Variants in CPXM2 observed in about 807,000 individuals in gnomAD.
CPXM2 encodes carboxypeptidase X, M14 family member 2.
Under a neutral mutation model 86.1 loss-of-function variants are expected in CPXM2, and 66 were observed. That is an observed-to-expected ratio of 0.77 (90% CI 0.63 to 0.94). The LOEUF is 0.94. Among genes scored for constraint, CPXM2 ranks in the 40% least tolerant of loss-of-function variants. The pLI, the probability that CPXM2 is intolerant of heterozygous loss-of-function variation, is 0.00. For missense variants in CPXM2, 948 were observed against 1,026.3 expected (o/e 0.92, Z 1.04); for synonymous variants, 388 against 400.2 (o/e 0.97, Z 0.36).
rs771228059 is a variant in CPXM2, at chr10:123,768,526, C to T, written c.1299G>A (p.Gly433=). 2 of 1,611,072 alleles carry T rather than the reference C, an allele frequency of 1.2e-6. No homozygotes were observed. Among genetic ancestry groups the T allele is most frequent in the South Asian group, 1.1e-5 (1 of 90,632 alleles). ...GGGTGAGATGGGCCAGGGCCATTACCCCTTCGTAGGCCTTCTCGTAGCCAT... is the reference window on the plus strand; with the variant it reads ...GGGTGAGATGGGCCAGGGCCATTACTCCTTCGTAGGCCTTCTCGTAGCCAT... The part of the protein sequence containing the change: ...NPDGYEKAYE[G]GSELGGWSLG... The change falls in exon 9 of 14, where the codon GGG becomes GGA. Residue 433 remains glycine (G), a splice_region_variant and synonymous_variant. Coordinates refer to ENST00000241305, the MANE Select transcript of CPXM2 (RefSeq NM_198148.3).
At chr10:123,825,252 G>T (rs1848021696) in intron 4 of CPXM2, among the ~76,000 whole-genome samples, 1 of 152,178 alleles carries the variant, frequency 6.6e-6, no homozygotes, top group Non-Finnish European at 1.5e-5. Flanking sequence ...CAGAGAGGAA[G>T]GGGGCAGGGT....
chr10:123,774,913 C>T lies in CPXM2; in HGVS notation c.979-3874G>A, dbSNP rs74162932. On this transcript the variant is annotated intron_variant, in intron 7 of 13. Coordinates refer to ENST00000241305, the MANE Select transcript of CPXM2 (RefSeq NM_198148.3). ...GTTTTAATAAAAGACACAGTAATAA[C>T]GTCACCAATTGTGTTAACAAGAACA... is the stretch of plus-strand genomic sequence containing the variant. Among the ~76,000 whole-genome samples the T allele has an allele frequency of 4.2e-3, 633 of 152,298 alleles. 5 individuals are homozygous for T. Among genetic ancestry groups the T allele is most frequent in the African/African-American group, 0.014 (600 of 41,560 alleles).
chr10:123,817,529 C>G (rs938190229), intron 4 of CPXM2, among the ~76,000 whole-genome samples: 1 of 152,184 alleles, frequency 6.6e-6, no homozygotes, highest in African/African-American at 2.4e-5. Flanking sequence ...CTATCATGAA[C>G]TAGGTGCTTT....
At chr10:123,806,721 G>C (rs1590021167) in intron 4 of CPXM2, among the ~76,000 whole-genome samples, 1 of 152,074 alleles carries the variant, frequency 6.6e-6, no homozygotes, top group East Asian at 1.9e-4. Flanking sequence ...GGGGAACAAG[G>C]CACATCTTAC....
At chr10:123,793,280 C>T (rs1477596870) in intron 6 of CPXM2, among the ~76,000 whole-genome samples, 1 of 151,654 alleles carries the variant, frequency 6.6e-6, no homozygotes, top group East Asian at 1.9e-4. Flanking sequence ...CTGGCTGACA[C>T]GGTGAAACCC....
Position 123,812,304 on chromosome 10 carries a change from G to A in CPXM2, c.654-13105C>T, listed in dbSNP as rs117295495. On this transcript the variant is annotated intron_variant, in intron 4 of 13. Coordinates refer to ENST00000241305, the MANE Select transcript of CPXM2 (RefSeq NM_198148.3). ...GTAACAACATGGATGATCCTGTGAA[G>A]CATAATGTTGAGTGGAAAAAGACAA... Among the ~76,000 whole-genome samples, 932 of 152,302 alleles carry A rather than the reference G, an allele frequency of 6.1e-3. 5 individuals are homozygous for A. Among genetic ancestry groups the A allele is most frequent in the Admixed American group, 0.011 (175 of 15,296 alleles).
chr10:123,750,959 G>A, intron 13 of CPXM2: 2 of 985,454 alleles, frequency 2.0e-6, no homozygotes, highest in Non-Finnish European at 2.4e-6. Flanking sequence ...AAAAGCAGGA[G>A]ATGCAGTGTT....
At chr10:123,774,699 A>G (rs1213341874) in intron 7 of CPXM2, among the ~76,000 whole-genome samples, 1 of 152,178 alleles carries the variant, frequency 6.6e-6, no homozygotes, top group Non-Finnish European at 1.5e-5. Flanking sequence ...CCCTTATGAT[A>G]ACTCACTTTG....
At chr10:123,823,785 A>G (rs938241988) in intron 4 of CPXM2, among the ~76,000 whole-genome samples, 2 of 152,200 alleles carry the variant, frequency 1.3e-5, no homozygotes, top group African/African-American at 4.8e-5. Flanking sequence ...CTGGGGAAAG[A>G]GTACTAAAAG....
intron 2 of CPXM2, chr10:123,914,004 C>A: frequency 2.0e-6 from 1 of 493,044 alleles, no homozygotes; most frequent in Non-Finnish European, 4.1e-6. Context: ...ACCGCATTCC[C>A]TCCCCTGGGG....
intron 3 of CPXM2, among the ~76,000 whole-genome samples, chr10:123,850,709 G>C (rs550833764): frequency 6.6e-5 from 10 of 152,294 alleles, no homozygotes; most frequent in African/African-American, 2.2e-4. Context: ...TAAGTGAAAA[G>C]ATGAAAGGTC....
intron 2 of CPXM2, among the ~76,000 whole-genome samples, chr10:123,906,480 C>A (rs1275764307): frequency 6.6e-6 from 1 of 152,170 alleles, no homozygotes; most frequent in African/African-American, 2.4e-5. Context: ...TCCCCAAACA[C>A]CCTTGCTATA....
chr10:123,850,232 T>C (rs944918854), intron 3 of CPXM2, among the ~76,000 whole-genome samples: 6 of 152,238 alleles, frequency 3.9e-5, no homozygotes, highest in Non-Finnish European at 7.3e-5. Context: ...TACCTATGTA[T>C]GTCTTCTTGT....
At chr10:123,919,551 G>T (rs958221670) in intron 2 of CPXM2, among the ~76,000 whole-genome samples, 2 of 152,148 alleles carry the variant, frequency 1.3e-5, no homozygotes, top group African/African-American at 2.4e-5. Flanking sequence ...TCTCAGTAAA[G>T]AAATAGAACC....
chr10:123,762,435 A>C (rs1412937347), intron 10 of CPXM2, among the ~76,000 whole-genome samples: 2 of 152,216 alleles, frequency 1.3e-5, no homozygotes, highest in African/African-American at 4.8e-5. Flanking sequence ...CTGACCAGAT[A>C]CTTGACAATA....
chr10:123,752,995 G>T (rs1247285257), intron 13 of CPXM2, among the ~76,000 whole-genome samples: 2 of 152,174 alleles, frequency 1.3e-5, no homozygotes, highest in African/African-American at 2.4e-5. Flanking sequence ...ACGGGGAAGG[G>T]ACAAAGTTGG....
intron 4 of CPXM2, among the ~76,000 whole-genome samples, chr10:123,821,354 CT>C (rs1366695272): frequency 6.6e-6 from 1 of 152,174 alleles, no homozygotes; most frequent in Non-Finnish European, 1.5e-5. Context: ...CATTCAGCTC[CT>C]TCTACACAAT....
chr10:123,915,837 C>T (rs1011530954), intron 2 of CPXM2, among the ~76,000 whole-genome samples: 1 of 152,168 alleles, frequency 6.6e-6, no homozygotes, highest in Admixed American at 6.5e-5. Context: ...AGTCCCTGGT[C>T]CTGGTTGCTC....
chr10:123,940,949 A>G (rs1282848066), upstream of CPXM2, among the ~76,000 whole-genome samples: 2 of 152,174 alleles, frequency 1.3e-5, no homozygotes, highest in African/African-American at 4.8e-5. Flanking sequence ...AGGTGGGCGG[A>G]TCACGAGGTC....
Sources: allele counts gnomAD v4.1 joint callset (sites outside exome capture counted in the v4.1 genomes callset), GRCh38; gene constraint gnomAD v4.1.1; transcripts MANE v1.5; gene names NCBI Gene and HGNC (gene_info 2026-07-23, HGNC 2026-07-21).